The following ISG20 variants were observed in gnomAD, a reference collection of about 807,000 sequenced individuals.
ISG20 encodes interferon-stimulated gene 20 kDa protein.
Under a neutral mutation model 11.1 loss-of-function variants are expected in ISG20, and 8 were observed. The observed-to-expected ratio is 0.72, with a 90% CI of 0.42 to 1.30. The LOEUF (loss-of-function observed/expected upper bound fraction) is 1.30. Ranked by LOEUF, ISG20 falls within the 50% of genes most tolerant of loss-of-function variation. ISG20 has a pLI of 0.01. For synonymous variants in ISG20, 110 were observed against 101.7 expected, an observed-to-expected ratio of 1.08 and a Z score of -0.49; for missense variants, 243 against 250.2, an observed-to-expected ratio of 0.97 and a Z score of 0.19.
rs994615970 is a variant in ISG20 at position 88,639,885 on chromosome 15, C to T, written c.228+291C>T. On this transcript the variant is annotated intron_variant, in intron 2 of 3. Transcript: ENST00000306072. The surrounding 1 kb of genome is among the most constrained non-coding windows in gnomAD (Gnocchi z 4.2). ...GTTCCCCCACACAGTGACTTGGGGT[C>T]TACATTCCCCATTCTTCCCTCTACC... 2.0e-5 allele frequency among the ~76,000 whole-genome samples: 3 copies of T among 152,230 alleles called. No homozygotes were observed. The highest frequency in any genetic ancestry group is 4.4e-5 in the Non-Finnish European group (3 of 68,044).
Position 88,656,074 on chromosome 15 carries a change from G to C in ISG20, c.*543G>C, listed in dbSNP as rs2058370830. The C allele has an allele frequency of 6.6e-6, 1 of 152,384 alleles. No homozygotes were observed. The highest frequency in any genetic ancestry group is 2.1e-4 in the South Asian group (1 of 4,858). The allele number at this position is 152,384 out of a possible 1,614,324, so 9.4% of individuals were successfully genotyped here. A position where few individuals can be genotyped will look rare whatever the true frequency, so the allele number is the denominator to read the frequency against. ...AAAGGTAACAAACTGTGGAGTCAGA[G>C]AGAAGTAGGTTGGAATCCTCTTTGT... On this transcript the variant is annotated 3_prime_UTR_variant, in exon 4 of 4. Coordinates refer to ENST00000306072, the MANE Select transcript of ISG20 (RefSeq NM_002201.6).
chr15:88,651,044 T>G, intron 2 of ISG20: 1 of 226,538 alleles, frequency 4.4e-6, no homozygotes, highest in Non-Finnish European at 7.3e-6. Flanking sequence ...ATTACAGACG[T>G]GAGACACCGT....
chr15:88,644,555 C>CA (rs993366197), intron 2 of ISG20, among the ~76,000 whole-genome samples: 8 of 119,092 alleles, frequency 6.7e-5, no homozygotes, highest in African/African-American at 1.4e-4. Flanking sequence ...AAAGAAAAGA[C>CA]AAAAAAAAAA....
At chr15:88,647,065 C>G (rs529420414) in intron 2 of ISG20, 1 of 152,464 alleles carries the variant, frequency 6.6e-6, no homozygotes, top group South Asian at 2.1e-4. Context: ...GCCACTGCGC[C>G]TGGCTATGCA....
chr15:88,655,459 G>A lies in ISG20; in HGVS notation c.474G>A (p.Thr158=), dbSNP rs139080852. ...GHSSVEDARA[T]MELYQISQRI... is the part of the protein sequence containing the mutation. Reference sequence around the variant, plus strand: ...GCTCGGTGGAAGATGCGAGGGCAACGATGGAGCTCTATCAAATCTCCCAGA... The same window carrying A: ...GCTCGGTGGAAGATGCGAGGGCAACAATGGAGCTCTATCAAATCTCCCAGA... Residue 158 remains threonine (T), a synonymous_variant, in exon 4 of 4, where the codon ACG becomes ACA. Transcript: ENST00000306072. The A allele has an allele frequency of 4.3e-5, 69 of 1,613,890 alleles. No individual in the cohort carries two copies. The highest frequency in any genetic ancestry group is 5.3e-5 in the Non-Finnish European group (62 of 1,180,026).
In ISG20 at chr15:88,650,529, A is replaced by G; in HGVS notation, c.229-1581A>G. On this transcript the variant is annotated intron_variant, in intron 2 of 3. Transcript: ENST00000306072. The surrounding 1 kb of genome is among the most constrained non-coding windows in gnomAD (Gnocchi z 4.0). The stretch of plus-strand genomic sequence containing the variant: ...AAATGGTGCTTGGCAAATCACACCA[A>G]AACTTACCGGTTCAAACAATGTCAA... 2 of 1,266,090 alleles carry G rather than the reference A, an allele frequency of 1.6e-6. No homozygotes were observed. The allele number at this position is 1,266,090 out of a possible 1,614,324, so 78.4% of individuals were successfully genotyped here.
intron 2 of ISG20, among the ~76,000 whole-genome samples, chr15:88,644,324 G>A (rs916969477): frequency 1.3e-5 from 2 of 151,786 alleles, no homozygotes; most frequent in East Asian, 1.9e-4. Flanking sequence ...ACCAGAGGTC[G>A]GGAGTTTGAG....
chr15:88,642,401 G>A (rs930155212), intron 2 of ISG20, among the ~76,000 whole-genome samples: 6 of 152,278 alleles, frequency 3.9e-5, no homozygotes, highest in Admixed American at 2.6e-4. Context: ...TTGAGAGAGC[G>A]GGACACAGTT....
Position 88,643,780 on chromosome 15 carries a change from G to A in ISG20, c.228+4186G>A, listed in dbSNP as rs1230325281. ...ACACTGTTCTAGAAGTACAGATTGA[G>A]TAGCCCTTATCTGAAATGCTGGGGA... On this transcript the variant is annotated intron_variant, in intron 2 of 3. Coordinates refer to ENST00000306072, the MANE Select transcript of ISG20 (RefSeq NM_002201.6). The surrounding 1 kb of genome is among the most constrained non-coding windows in gnomAD (Gnocchi z 4.4). Among the ~76,000 whole-genome samples, 1 of 152,224 alleles carries A rather than the reference G, an allele frequency of 6.6e-6. No individual in the cohort carries two copies. Among genetic ancestry groups the A allele is most frequent in the Non-Finnish European group, 1.5e-5 (1 of 68,048 alleles).
intron 3 of ISG20, among the ~76,000 whole-genome samples, chr15:88,654,915 C>A (rs1433552454): frequency 6.6e-6 from 1 of 152,214 alleles, no homozygotes; most frequent in Non-Finnish European, 1.5e-5. Context: ...ACCTTTCACA[C>A]ACCCCCTGCC....
Position 88,652,113 on chromosome 15 carries a change from C to T in ISG20, c.232C>T (p.Leu78=), listed in dbSNP as rs1270010543. 1.9e-6 allele frequency: 3 copies of T among 1,614,052 alleles called. No individual in the cohort carries two copies. Among genetic ancestry groups the T allele is most frequent in the Non-Finnish European group, 2.5e-6 (3 of 1,179,974 alleles). The change falls in exon 3 of 4, where the codon CTG becomes TTG. Residue 78 remains leucine (L), a synonymous_variant. Transcript: ENST00000306072. ...GGGCACATGTCTTCCTGGCCAGATC[C>T]TGCAGCTCCTGAAAGGCAAGCTGGT... ...TPFAVARLEI[L]QLLKGKLVVG...
At chr15:88,651,801 A>G (rs2058278535) in intron 2 of ISG20, 2 of 1,206,986 alleles carry the variant, frequency 1.7e-6, no homozygotes, top group Admixed American at 3.9e-5. Context: ...ACAACATAAT[A>G]TACATGACGT....
At position 88,644,838 on chromosome 15, in the gene ISG20, TCAGA is replaced by T. The variant is rs372349606; in HGVS notation, c.228+5253_228+5256del. On this transcript the variant is annotated intron_variant, in intron 2 of 3. Transcript: ENST00000306072. Reference sequence around the variant, plus strand: ...TCCTTGTCCCCAATTTCCCTCCCCATCAGACAGACAGAAAGGGGCAGAGGAGCCC... The same window carrying T: ...TCCTTGTCCCCAATTTCCCTCCCCATCAGACAGAAAGGGGCAGAGGAGCCC... 4.1e-3 allele frequency among the ~76,000 whole-genome samples: 616 copies of T among 152,052 alleles called. 7 individuals are homozygous for T. The highest frequency in any genetic ancestry group is 0.014 in the African/African-American group (572 of 41,464).
chr15:88,655,240 A>G (rs2058354215), intron 3 of ISG20, among the ~76,000 whole-genome samples, 175 bp from the exon 4 acceptor site: 1 of 152,262 alleles, frequency 6.6e-6, no homozygotes, highest in Non-Finnish European at 1.5e-5. Flanking sequence ...AAGGCAGGCC[A>G]GCTCCAGCCA....
In ISG20 at chr15:88,654,286, C is replaced by T. The variant is rs141786963; in HGVS notation, c.430-1129C>T. 7.6e-4 allele frequency among the ~76,000 whole-genome samples: 115 copies of T among 152,262 alleles called. 2 individuals carry two copies. The East Asian group carries it at 0.02, about 27-fold the overall frequency. Reference sequence around the variant, plus strand: ...GTATGCAGAGGCACAGCGCAGACGACGCCACCATGCTACCTGCTTGCTGAT... The same window carrying T: ...GTATGCAGAGGCACAGCGCAGACGATGCCACCATGCTACCTGCTTGCTGAT... On this transcript the variant is annotated intron_variant, in intron 3 of 3. Transcript: ENST00000306072.
Position 88,650,563 on chromosome 15 carries a change from T to G in ISG20, c.229-1547T>G. On this transcript the variant is annotated intron_variant, in intron 2 of 3. Transcript: ENST00000306072. This position sits in a 1 kb window ranked among gnomAD's most constrained non-coding sequence, Gnocchi z 4.0. Reference sequence around the variant, plus strand: ...GGTTCAAACAATGTCAATACTTATTTCGCTCGGCCACCTGCAGTTTGGGCA... The same window carrying G: ...GGTTCAAACAATGTCAATACTTATTGCGCTCGGCCACCTGCAGTTTGGGCA... 3.1e-6 allele frequency: 3 copies of G among 958,878 alleles called. No individual in the cohort carries two copies. The highest frequency in any genetic ancestry group is 2.8e-6 in the Non-Finnish European group (2 of 704,366). The allele number at this position is 958,878 out of a possible 1,614,324, so 59.4% of individuals were successfully genotyped here.
chr15:88,640,996 TTATTA>T (rs1461496563), intron 2 of ISG20, among the ~76,000 whole-genome samples: 98 of 151,904 alleles, frequency 6.5e-4, no homozygotes, highest in African/African-American at 2.2e-3. Context: ...GTCTGTTTTA[TTATTA>T]TTTTTTTTTT....
intron 2 of ISG20, among the ~76,000 whole-genome samples, chr15:88,641,295 G>A (rs1048018513): frequency 3.9e-5 from 6 of 152,114 alleles, no homozygotes; most frequent in African/African-American, 1.4e-4. Context: ...TCTGGCCATG[G>A]TTGTTTACCT....
At chr15:88,636,913 A>C (rs2057993474), upstream of ISG20, among the ~76,000 whole-genome samples, 1 of 152,226 alleles carries the variant, frequency 6.6e-6, no homozygotes, top group South Asian at 2.1e-4. Context: ...CCCAGGCCAC[A>C]TTGGAAGACC....
Sources: allele counts gnomAD v4.1 joint callset (sites outside exome capture counted in the v4.1 genomes callset), GRCh38; gene constraint gnomAD v4.1.1; non-coding constraint Gnocchi (gnomAD v3.1); transcripts MANE v1.5; gene names NCBI Gene and HGNC (gene_info 2026-07-23, HGNC 2026-07-21).